SLC9A9: variants seen among roughly 807,000 people sequenced by gnomAD.
SLC9A9 encodes the protein sodium/hydrogen exchanger 9.
SLC9A9 carries 62 observed loss-of-function variants against 77.8 expected under a neutral mutation model. The observed-to-expected ratio is 0.80, with a 90% CI of 0.65 to 0.98. The LOEUF is 0.98. Among genes scored for constraint, SLC9A9 ranks in the 50% least tolerant of loss-of-function variants. The pLI, the probability that SLC9A9 is intolerant of heterozygous loss-of-function variation, is 0.00. For missense variants in SLC9A9, 775 were observed against 774.9 expected (o/e 1.00, Z 0.00); for synonymous variants, 320 against 283.5 (o/e 1.13, Z -1.29).
intron 14 of SLC9A9, among the ~76,000 whole-genome samples, chr3:143,361,310 C>T (rs1257555014): frequency 2.0e-5 from 3 of 152,174 alleles, no homozygotes; most frequent in Non-Finnish European, 4.4e-5. Flanking sequence ...ACTACATAGC[C>T]AATTTCTTTC....
At chr3:143,605,247 C>T (rs1391964591) in intron 6 of SLC9A9, among the ~76,000 whole-genome samples, 1 of 152,180 alleles carries the variant, frequency 6.6e-6, no homozygotes, top group Non-Finnish European at 1.5e-5. Context: ...CCAGATTCAT[C>T]AGCCCTTTAC....
At chr3:143,737,964 C>G (rs1934984928) in intron 4 of SLC9A9, among the ~76,000 whole-genome samples, 1 of 152,200 alleles carries the variant, frequency 6.6e-6, no homozygotes, top group Non-Finnish European at 1.5e-5. Flanking sequence ...TATAAAAACC[C>G]TATGAGAATG....
At chr3:143,820,621 G>A (rs1399194004) in intron 2 of SLC9A9, among the ~76,000 whole-genome samples, 3 of 152,082 alleles carry the variant, frequency 2.0e-5, no homozygotes, top group African/African-American at 4.8e-5. Context: ...ATAATCATGT[G>A]ACTTCAGTCT....
chr3:143,783,378 A>G (rs538173185), intron 4 of SLC9A9, among the ~76,000 whole-genome samples: 2 of 151,782 alleles, frequency 1.3e-5, no homozygotes, highest in Non-Finnish European at 2.9e-5. Context: ...CTTCTCTCAT[A>G]TCTTTACCTG....
chr3:143,307,797 C>G (rs964234757), intron 14 of SLC9A9, among the ~76,000 whole-genome samples: 2 of 152,186 alleles, frequency 1.3e-5, no homozygotes, highest in Non-Finnish European at 2.9e-5. Context: ...CTACATGCAA[C>G]CCACTAGATA....
At chr3:143,696,615 A>G (rs1407157064) in intron 4 of SLC9A9, among the ~76,000 whole-genome samples, 1 of 152,170 alleles carries the variant, frequency 6.6e-6, no homozygotes, top group Non-Finnish European at 1.5e-5. Context: ...TGTCACTTGA[A>G]CTACAGTTCA....
intron 4 of SLC9A9, among the ~76,000 whole-genome samples, chr3:143,725,105 T>TC (rs2108805289): frequency 6.6e-6 from 1 of 152,328 alleles, no homozygotes; most frequent in East Asian, 1.9e-4. Flanking sequence ...TCTTCAGTGT[T>TC]CATTTTTTTC....
chr3:143,488,000 A>G (rs969175140), intron 11 of SLC9A9, among the ~76,000 whole-genome samples: 5 of 151,848 alleles, frequency 3.3e-5, no homozygotes, highest in Non-Finnish European at 7.4e-5. Flanking sequence ...AACTAGATGG[A>G]CTAAGAAAAA....
At chr3:143,845,206 A>G (rs2009806944) in intron 1 of SLC9A9, among the ~76,000 whole-genome samples, 1 of 152,126 alleles carries the variant, frequency 6.6e-6, no homozygotes, top group South Asian at 2.1e-4. Flanking sequence ...TTATCTCTCT[A>G]AGTCTTCATT....
At chr3:143,298,473 A>G (rs2030376506) in intron 14 of SLC9A9, among the ~76,000 whole-genome samples, 1 of 152,186 alleles carries the variant, frequency 6.6e-6, no homozygotes, top group Non-Finnish European at 1.5e-5. Context: ...TCATTTCCCA[A>G]GTCTGAGGTG....
intron 4 of SLC9A9, among the ~76,000 whole-genome samples, chr3:143,696,600 C>T (rs1562497): frequency 0.43 from 64,969 of 152,036 alleles, 14,084 homozygotes; most frequent in South Asian, 0.6. Context: ...TTCACCTTGG[C>T]CCTTTGTCAC....
intron 4 of SLC9A9, among the ~76,000 whole-genome samples, chr3:143,694,643 T>C (rs1254175897): frequency 6.6e-6 from 1 of 152,170 alleles, no homozygotes; most frequent in African/African-American, 2.4e-5. Context: ...GTAATTTGCT[T>C]AAGGTGACAC....
At chr3:143,438,554 C>T (rs929877137) in intron 12 of SLC9A9, among the ~76,000 whole-genome samples, 2 of 152,150 alleles carry the variant, frequency 1.3e-5, no homozygotes, top group African/African-American at 4.8e-5. Context: ...TGAGATTCAC[C>T]ATCATCTGGG....
chr3:143,450,056 TA>T (rs2034973852), intron 12 of SLC9A9, among the ~76,000 whole-genome samples: 1 of 36,228 alleles, frequency 2.8e-5, no homozygotes, highest in Non-Finnish European at 4.6e-5. Flanking sequence ...TATACACACA[TA>T]TATAATATGT....
At chr3:143,793,648 T>C (rs1450311975) in intron 4 of SLC9A9, among the ~76,000 whole-genome samples, 2 of 152,232 alleles carry the variant, frequency 1.3e-5, no homozygotes, top group African/African-American at 4.8e-5. Context: ...GAAGGCCTGC[T>C]GGATCAGAAG....
At chr3:143,433,600 T>TG (rs1214932238) in intron 12 of SLC9A9, among the ~76,000 whole-genome samples, 3 of 152,174 alleles carry the variant, frequency 2.0e-5, no homozygotes, top group East Asian at 1.9e-4. Context: ...TTATAAAAGG[T>TG]GGGGGTGTTC....
intron 6 of SLC9A9, among the ~76,000 whole-genome samples, chr3:143,622,955 G>A (rs926403547): frequency 1.3e-5 from 2 of 152,160 alleles, no homozygotes; most frequent in African/African-American, 4.8e-5. Flanking sequence ...AAAGGCAGCT[G>A]TTGAAATCCT....
At chr3:143,440,175 G>C (rs763978641) in intron 12 of SLC9A9, among the ~76,000 whole-genome samples, 2 of 152,210 alleles carry the variant, frequency 1.3e-5, no homozygotes, top group Non-Finnish European at 1.5e-5. Context: ...ACTTTTGTTT[G>C]CCCCTCTCTT....
At chr3:143,843,805 T>C (rs920527620) in intron 1 of SLC9A9, among the ~76,000 whole-genome samples, 2 of 152,212 alleles carry the variant, frequency 1.3e-5, no homozygotes, top group African/African-American at 4.8e-5. Flanking sequence ...AGGCCCTAAG[T>C]GAGTGGTACT....
Sources: allele counts gnomAD v4.1 joint callset (sites outside exome capture counted in the v4.1 genomes callset), GRCh38; gene constraint gnomAD v4.1.1; transcripts MANE v1.5; gene names NCBI Gene and HGNC (gene_info 2026-07-23, HGNC 2026-07-21).